Variants in RSRC1 observed in about 807,000 individuals in gnomAD.
RSRC1 encodes arginine and serine rich coiled-coil 1.
In RSRC1, 39 loss-of-function variants were observed where a neutral mutation model predicts 49.1. The ratio of observed to expected loss-of-function variants is 0.79; its 90% CI spans 0.61 to 1.04. RSRC1 has a LOEUF of 1.04. Ranked by LOEUF, RSRC1 falls within the 50% of genes least tolerant of loss-of-function variation. The probability of loss-of-function intolerance (pLI) is 0.00; values close to 1 mark genes in which losing one functional copy is unlikely to be tolerated. For synonymous variants in RSRC1, 143 were observed against 130.8 expected (o/e 1.09, Z -0.63); for missense variants, 388 against 402.4 (o/e 0.96, Z 0.31).
At chr3:158,329,648 C>A (rs1184297169) in intron 5 of RSRC1, among the ~76,000 whole-genome samples, 1 of 152,200 alleles carries the variant, frequency 6.6e-6, no homozygotes, top group East Asian at 1.9e-4. Context: ...TGTGCCCCTA[C>A]TGGGGGGTGC....
At position 158,537,209 on chromosome 3, in the gene RSRC1, A is replaced by G; in HGVS notation, c.759+11A>G. 1 of 1,511,124 alleles carries G rather than the reference A, an allele frequency of 6.6e-7. No individual in the cohort carries two copies. The highest frequency in any genetic ancestry group is 9.0e-7 in the Non-Finnish European group (1 of 1,110,824). The allele number at this position is 1,511,124 out of a possible 1,614,324, so 93.6% of individuals were successfully genotyped here. Reference sequence around the variant, plus strand: ...AAAGAAGTCAAAAAGGTAAGTTTTTATCCACCCATTATGAGTAAACCTTTG... The same window carrying G: ...AAAGAAGTCAAAAAGGTAAGTTTTTGTCCACCCATTATGAGTAAACCTTTG... On this transcript the variant is annotated intron_variant, in intron 8 of 9. Coordinates refer to ENST00000611884, the MANE Select transcript of RSRC1 (RefSeq NM_001271838.2).
At chr3:158,514,422 C>T (rs1415834051) in intron 7 of RSRC1, among the ~76,000 whole-genome samples, 2 of 152,114 alleles carry the variant, frequency 1.3e-5, no homozygotes, top group Non-Finnish European at 2.9e-5. Flanking sequence ...TGTAGTTGAG[C>T]GGTTTTGAGT....
rs1722747996 is a variant in RSRC1 at position 158,229,123 on chromosome 3, CGTGTATAT to C, written c.494+25887_494+25894del. Among the ~76,000 whole-genome samples the C allele has an allele frequency of 1.3e-5, 2 of 149,998 alleles. 1 individual carries two copies. The highest frequency in any genetic ancestry group is 1.3e-4 in the Admixed American group (2 of 15,074). On this transcript the variant is annotated intron_variant, in intron 4 of 9. Transcript: ENST00000611884. Reference sequence around the variant, plus strand: ...ACGTGTATATGTGTATATAAACATACGTGTATATGTGTATATAAACATACATACGTGTA... The same window carrying C: ...ACGTGTATATGTGTATATAAACATACGTGTATATAAACATACATACGTGTA...
At chr3:158,160,120 T>C (rs1310490848) in intron 3 of RSRC1, among the ~76,000 whole-genome samples, 1 of 152,180 alleles carries the variant, frequency 6.6e-6, no homozygotes, top group African/African-American at 2.4e-5. Context: ...TTGGGAATTT[T>C]ATAATGAATA....
At chr3:158,463,173 G>A (rs569559813) in intron 7 of RSRC1, among the ~76,000 whole-genome samples, 41 of 152,102 alleles carry the variant, frequency 2.7e-4, no homozygotes, top group African/African-American at 7.9e-4. Context: ...AAGACAGGCC[G>A]TAACTATTAA....
intron 6 of RSRC1, among the ~76,000 whole-genome samples, chr3:158,415,456 A>C (rs1734692349): frequency 6.6e-6 from 1 of 151,800 alleles, no homozygotes; most frequent in African/African-American, 2.4e-5. Context: ...GACTGCCTGA[A>C]TTAGCTTTGG....
intron 4 of RSRC1, among the ~76,000 whole-genome samples, chr3:158,294,742 A>T (rs905494361): frequency 5.3e-5 from 8 of 152,130 alleles, no homozygotes; most frequent in Admixed American, 5.2e-4. Flanking sequence ...CCCACACCCT[A>T]CACATGTTCA....
chr3:158,498,945 C>T (rs1739469492), intron 7 of RSRC1, among the ~76,000 whole-genome samples: 1 of 152,130 alleles, frequency 6.6e-6, no homozygotes, highest in Non-Finnish European at 1.5e-5. Flanking sequence ...ATTTTTATAC[C>T]AGTACCACAC....
rs571784846 is a variant in RSRC1 at position 158,308,976 on chromosome 3, A to T, written c.531+10901A>T. ...CTGGGTTTCCATCTCAGCTTCATGC[A>T]CAATTGTCAGAGCTGTACATATGTA... On this transcript the variant is annotated intron_variant, in intron 5 of 9. Coordinates refer to ENST00000611884, the MANE Select transcript of RSRC1 (RefSeq NM_001271838.2). Among the ~76,000 whole-genome samples the T allele has an allele frequency of 5.3e-5, 8 of 152,038 alleles. No homozygotes were observed. In the East Asian group the frequency reaches 1.3e-3, roughly 26 times the overall value.
intron 7 of RSRC1, among the ~76,000 whole-genome samples, chr3:158,530,758 A>G (rs1183151860): frequency 6.6e-6 from 1 of 151,856 alleles, no homozygotes; most frequent in African/African-American, 2.4e-5. Context: ...TAGCAGAGAC[A>G]GGGTTTAACC....
intron 5 of RSRC1, among the ~76,000 whole-genome samples, chr3:158,341,700 A>G (rs1730251734): frequency 6.6e-6 from 1 of 152,112 alleles, no homozygotes; most frequent in Non-Finnish European, 1.5e-5. Context: ...TGCCTAGTAG[A>G]TCTGTGAGAA....
intron 7 of RSRC1, among the ~76,000 whole-genome samples, chr3:158,507,633 A>G (rs1316925457): frequency 6.6e-6 from 1 of 152,214 alleles, no homozygotes; most frequent in Non-Finnish European, 1.5e-5. Flanking sequence ...GGCCTGTCTT[A>G]TGTATGAAAT....
intron 3 of RSRC1, among the ~76,000 whole-genome samples, chr3:158,161,546 G>A (rs1051735620): frequency 6.6e-6 from 1 of 152,198 alleles, no homozygotes. Flanking sequence ...TGGATCGTTT[G>A]AGGTCAGGAG....
chr3:158,448,727 T>C (rs1490134160), intron 6 of RSRC1, among the ~76,000 whole-genome samples: 1 of 151,892 alleles, frequency 6.6e-6, no homozygotes, highest in East Asian at 1.9e-4. Context: ...AAAGCTTTTC[T>C]AATAAGTGAC....
chr3:158,206,457 G>C (rs1414682036), intron 4 of RSRC1, among the ~76,000 whole-genome samples: 1 of 152,166 alleles, frequency 6.6e-6, no homozygotes, highest in Non-Finnish European at 1.5e-5. Flanking sequence ...GCTTGGTTTA[G>C]AGTAGAAGAT....
At chr3:158,193,882 G>T (rs1234174304) in intron 3 of RSRC1, among the ~76,000 whole-genome samples, 1 of 151,982 alleles carries the variant, frequency 6.6e-6, no homozygotes, top group Admixed American at 6.6e-5. Context: ...TGTAAATTAG[G>T]ACAATAAAAT....
intron 7 of RSRC1, among the ~76,000 whole-genome samples, chr3:158,513,373 T>A (rs1298849759): frequency 1.3e-5 from 2 of 152,210 alleles, no homozygotes; most frequent in Non-Finnish European, 1.5e-5. Context: ...ATTGAGATAA[T>A]CATGTGGTTT....
At chr3:158,505,594 A>G (rs1739824522) in intron 7 of RSRC1, among the ~76,000 whole-genome samples, 1 of 152,134 alleles carries the variant, frequency 6.6e-6, no homozygotes, top group Non-Finnish European at 1.5e-5. Context: ...TGAATTTTGC[A>G]GAAGTAAAAT....
intron 5 of RSRC1, among the ~76,000 whole-genome samples, chr3:158,317,885 A>C (rs1343766910): frequency 6.6e-6 from 1 of 152,138 alleles, no homozygotes; most frequent in East Asian, 1.9e-4. Context: ...AAAAATTCAC[A>C]CAGAACACAC....
Sources: allele counts gnomAD v4.1 joint callset (sites outside exome capture counted in the v4.1 genomes callset), GRCh38; gene constraint gnomAD v4.1.1; transcripts MANE v1.5; gene names NCBI Gene and HGNC (gene_info 2026-07-23, HGNC 2026-07-21).